BBX: variants seen among roughly 807,000 people sequenced by gnomAD.
The protein encoded by BBX is HMG box transcription factor BBX.
A neutral mutation model predicts 100.2 loss-of-function variants in BBX; 30 were observed. That is an observed-to-expected ratio of 0.30 (90% CI 0.22 to 0.41). The LOEUF (loss-of-function observed/expected upper bound fraction) is 0.41. Ranked by LOEUF, BBX falls within the 10% of genes least tolerant of loss-of-function variation. The probability of loss-of-function intolerance (pLI) is 1.00; values close to 1 mark genes in which losing one functional copy is unlikely to be tolerated. For synonymous variants in BBX, 376 were observed against 388.1 expected (o/e 0.97, Z 0.37); for missense variants, 1,023 against 1,129.8 (o/e 0.91, Z 1.35).
intron 2 of BBX, among the ~76,000 whole-genome samples, chr3:107,551,230 GGA>G (rs1449222732): frequency 6.6e-6 from 1 of 152,178 alleles, no homozygotes; most frequent in East Asian, 1.9e-4. Context: ...TACCAGGAAA[GGA>G]GAGAGGAAAT....
Position 107,728,887 on chromosome 3 carries a change from C to T in BBX, c.528C>T (p.Asp176=). 1.2e-6 allele frequency: 2 copies of T among 1,613,944 alleles called. No homozygotes were observed. Among genetic ancestry groups the T allele is most frequent in the Non-Finnish European group, 1.7e-6 (2 of 1,179,884 alleles). ...AGAAACTTTGGGCCTTCCCATCTGA[C>T]TCTTCAAGAGACTTGCCAAGCCCCA... is the stretch of plus-strand genomic sequence containing the variant. ...PRKKLWAFPS[D]SSRDLPSPKK... is the part of the protein sequence containing the mutation. Residue 176 remains aspartate (D), a synonymous_variant, in exon 6 of 18, where the codon GAC becomes GAT. Transcript: ENST00000325805.
chr3:107,759,763 CT>C (rs565520132), intron 10 of BBX, among the ~76,000 whole-genome samples: 81 of 152,158 alleles, frequency 5.3e-4, no homozygotes, highest in Non-Finnish European at 8.5e-4. Flanking sequence ...AAACCTTCTT[CT>C]AAGATCGGTG....
chr3:107,548,155 T>C (rs1326041457), intron 2 of BBX, among the ~76,000 whole-genome samples: 2 of 152,222 alleles, frequency 1.3e-5, no homozygotes, highest in Non-Finnish European at 2.9e-5. Flanking sequence ...ACTTCTTAAC[T>C]GTGTCAGTAT....
At chr3:107,658,454 T>G (rs560866687) in intron 3 of BBX, among the ~76,000 whole-genome samples, 2 of 152,164 alleles carry the variant, frequency 1.3e-5, no homozygotes, top group Non-Finnish European at 2.9e-5. Flanking sequence ...ATAATAAATT[T>G]CCTGTCATTG....
At chr3:107,739,784 TCA>T (rs1323566884) in intron 7 of BBX, among the ~76,000 whole-genome samples, 1 of 152,204 alleles carries the variant, frequency 6.6e-6, no homozygotes, top group African/African-American at 2.4e-5. Context: ...CATTTTATTC[TCA>T]CAGTTTACTG....
At position 107,558,008 on chromosome 3, in the gene BBX, C is replaced by T. The variant is rs114226568; in HGVS notation, c.-84+31610C>T. ...CCAGAATCCTGAATCAGAAACTCAG[C>T]GGGGCTTGGCAGCAGTCTGTGGTTT... On this transcript the variant is annotated intron_variant, in intron 2 of 17. Coordinates refer to ENST00000325805, the MANE Select transcript of BBX (RefSeq NM_001142568.3). Among the ~76,000 whole-genome samples, 839 of 152,304 alleles carry T rather than the reference C, an allele frequency of 5.5e-3. 8 individuals carry two copies. The highest frequency in any genetic ancestry group is 0.01 in the Middle Eastern group (3 of 294).
At chr3:107,633,593 A>G (rs1346583542) in intron 2 of BBX, among the ~76,000 whole-genome samples, 1 of 152,204 alleles carries the variant, frequency 6.6e-6, no homozygotes, top group South Asian at 2.1e-4. Context: ...TTTTTGAAAG[A>G]TAAAGAATCT....
chr3:107,708,565 T>C (rs1249023624), intron 3 of BBX, among the ~76,000 whole-genome samples: 2 of 151,212 alleles, frequency 1.3e-5, no homozygotes, highest in East Asian at 3.9e-4. Context: ...TCCCAGCTAC[T>C]CAGGAGGCTG....
At chr3:107,537,771 A>G (rs1258399987) in intron 2 of BBX, among the ~76,000 whole-genome samples, 2 of 152,120 alleles carry the variant, frequency 1.3e-5, no homozygotes, top group Admixed American at 6.5e-5. Flanking sequence ...TGTGGCCCTT[A>G]TTTGACTGGT....
At chr3:107,713,593 T>G (rs2061873158) in intron 4 of BBX, among the ~76,000 whole-genome samples, 1 of 152,246 alleles carries the variant, frequency 6.6e-6, no homozygotes, top group Non-Finnish European at 1.5e-5. Flanking sequence ...AATAATTACA[T>G]TAAATAGCAA....
intron 2 of BBX, among the ~76,000 whole-genome samples, chr3:107,531,760 G>A (rs2048175903): frequency 6.6e-6 from 1 of 152,084 alleles, no homozygotes; most frequent in Non-Finnish European, 1.5e-5. Context: ...CTTCAGGTTT[G>A]GGGAATGATT....
intron 2 of BBX, among the ~76,000 whole-genome samples, chr3:107,573,225 CTT>C (rs1271687822): frequency 6.6e-6 from 1 of 152,118 alleles, no homozygotes; most frequent in Non-Finnish European, 1.5e-5. Flanking sequence ...TCTGGTATCT[CTT>C]TGTATAAACT....
In BBX at chr3:107,606,359, C is replaced by G. The variant is rs574184373; in HGVS notation, c.-83-39477C>G. Among the ~76,000 whole-genome samples, 5 of 152,282 alleles carry G rather than the reference C, an allele frequency of 3.3e-5. 1 individual carries two copies. The highest frequency in any genetic ancestry group is 9.6e-5 in the African/African-American group (4 of 41,564). On this transcript the variant is annotated intron_variant, in intron 2 of 17. Transcript: ENST00000325805. ...GGTTTGCAATAGCAGATGTTTGAAA[C>G]AAAAAGGCTTCAGAAGTACATTTAG...
intron 2 of BBX, among the ~76,000 whole-genome samples, chr3:107,594,754 G>A (rs977102388): frequency 3.3e-5 from 5 of 151,868 alleles, no homozygotes; most frequent in Admixed American, 2.0e-4. Flanking sequence ...GCTTAAAAAC[G>A]TTATTTTTTA....
intron 15 of BBX, among the ~76,000 whole-genome samples, chr3:107,797,494 T>C (rs931835197): frequency 1.3e-5 from 2 of 151,552 alleles, no homozygotes; most frequent in East Asian, 1.9e-4. Context: ...TCTATGTCTA[T>C]CCTAAGAAAT....
rs1206262526 is a variant in BBX at position 107,801,291 on chromosome 3, A to G, written c.2738+10A>G. On this transcript the variant is annotated intron_variant, in intron 17 of 17. Coordinates refer to ENST00000325805, the MANE Select transcript of BBX (RefSeq NM_001142568.3). ...TGGAAAATGTGCACAGGTTAGTGGT[A>G]GAAGGTGGAAGGAGAAAGCAACATG... 1 of 1,610,144 alleles carries G rather than the reference A, an allele frequency of 6.2e-7. No homozygotes were observed. Among genetic ancestry groups the G allele is most frequent in the Admixed American group, 1.7e-5 (1 of 59,462 alleles).
chr3:107,747,224 T>G (rs952790146), intron 8 of BBX, among the ~76,000 whole-genome samples: 4 of 150,850 alleles, frequency 2.7e-5, no homozygotes, highest in Admixed American at 1.3e-4. Flanking sequence ...CACACTAACG[T>G]GTGAGTGTGT....
rs529591593 is a variant in BBX, at chr3:107,808,522, A to T, written c.*3065A>T. ...TCTTTAGCCTTTTATTTATTTAGTT[A>T]TTCTGGGTATTTCCTATGTAATTTT... On this transcript the variant is annotated 3_prime_UTR_variant, in exon 18 of 18. Transcript: ENST00000325805. The T allele has an allele frequency of 6.6e-6, 1 of 152,138 alleles. No individual in the cohort carries two copies. Among genetic ancestry groups the T allele is most frequent in the Non-Finnish European group, 1.5e-5 (1 of 68,024 alleles). 9.4% of individuals were successfully genotyped at this position (152,138 alleles called of 1,614,324 possible).
intron 3 of BBX, among the ~76,000 whole-genome samples, chr3:107,690,120 C>T (rs1384442232): frequency 2.0e-5 from 3 of 151,952 alleles, no homozygotes; most frequent in Non-Finnish European, 2.9e-5. Flanking sequence ...ATGAAATGTA[C>T]TCAAGTTGTA....
Sources: allele counts gnomAD v4.1 joint callset (sites outside exome capture counted in the v4.1 genomes callset), GRCh38; gene constraint gnomAD v4.1.1; transcripts MANE v1.5; gene names NCBI Gene and HGNC (gene_info 2026-07-23, HGNC 2026-07-21).